KCNQ1OT1: variants seen among roughly 807,000 people sequenced by gnomAD.
KCNQ1OT1 encodes the protein KCNQ1 antisense RNA 2 (non-protein coding).
exon 1 of KCNQ1OT1, chr11:2,625,634 G>T: frequency 2.5e-6 from 1 of 396,250 alleles, no homozygotes; most frequent in South Asian, 1.3e-4. Flanking sequence ...TGAGTGCAGT[G>T]GTGCCATCTC....
exon 1 of KCNQ1OT1, chr11:2,699,964 G>C (rs1297149523): frequency 2.5e-6 from 1 of 398,248 alleles, no homozygotes; most frequent in Non-Finnish European, 4.4e-6. Context: ...CTCCCTGGAG[G>C]TCCGTGCTGA....
rs1850356342 is a variant in KCNQ1OT1 at position 2,679,718 on chromosome 11, C to G, written n.20277G>C. The G allele has an allele frequency of 2.5e-6, 1 of 398,426 alleles. No individual in the cohort carries two copies. The highest frequency in any genetic ancestry group is 2.1e-5 in the African/African-American group (1 of 48,602). The allele number at this position is 398,426 out of a possible 1,614,324, so 24.7% of individuals were successfully genotyped here. On this transcript the variant is annotated non_coding_transcript_exon_variant, in exon 1 of 1. Coordinates refer to ENST00000597346, the Ensembl canonical transcript of KCNQ1OT1. The surrounding 1 kb of genome is among the most constrained non-coding windows in gnomAD (Gnocchi z 4.8). ...TTTTAAATCAGCCGTTCTCTGTATT[C>G]TTGTCCAGATGCTGTGGACAGTGAT...
exon 1 of KCNQ1OT1, chr11:2,649,784 G>T (rs1199843847): frequency 2.5e-6 from 1 of 398,376 alleles, no homozygotes; most frequent in Non-Finnish European, 4.4e-6. Context: ...GCCCTTTTAG[G>T]GTTGAATCTA....
In KCNQ1OT1 at chr11:2,665,480, A is replaced by G. The variant is rs143416443; in HGVS notation, n.34515T>C. 743 of 395,932 alleles carry G rather than the reference A, an allele frequency of 1.9e-3. 11 individuals carry two copies. The highest frequency in any genetic ancestry group is 0.014 in the African/African-American group (678 of 47,560). The allele number at this position is 395,932 out of a possible 1,614,324, so 24.5% of individuals were successfully genotyped here. A position where few individuals can be genotyped will look rare whatever the true frequency, so the allele number is the denominator to read the frequency against. On this transcript the variant is annotated non_coding_transcript_exon_variant, in exon 1 of 1. Coordinates refer to ENST00000597346, the Ensembl canonical transcript of KCNQ1OT1. ...CACGACAGTGGGTGGGGACGGTGCC[A>G]TGCCTGTGTGCATCCCTGTGCCTTG... is the stretch of plus-strand genomic sequence containing the variant.
chr11:2,662,825 C>G (rs1004191128), exon 1 of KCNQ1OT1: 2 of 398,758 alleles, frequency 5.0e-6, no homozygotes, highest in Non-Finnish European at 8.8e-6. Context: ...CGCGGCCCTT[C>G]TGAGGGTCAC....
At position 2,691,440 on chromosome 11, in the gene KCNQ1OT1, C is replaced by G. The variant is rs904014661; in HGVS notation, n.8555G>C. The G allele has an allele frequency of 4.3e-5, 17 of 398,510 alleles. No homozygotes were observed. Among genetic ancestry groups the G allele is most frequent in the Admixed American group, 8.8e-5 (2 of 22,714 alleles). 24.7% of individuals were successfully genotyped at this position (398,510 alleles called of 1,614,324 possible). A position where few individuals can be genotyped will look rare whatever the true frequency, so the allele number is the denominator to read the frequency against. On this transcript the variant is annotated non_coding_transcript_exon_variant, in exon 1 of 1. Coordinates refer to ENST00000597346, the Ensembl canonical transcript of KCNQ1OT1. The surrounding 1 kb of genome is among the most constrained non-coding windows in gnomAD (Gnocchi z 6.4). ...GGGAGTCCACTGAAGCTCCCTGCCC[C>G]CACTGAGTCTCTGATGTTGACAGCC...
At position 2,647,056 on chromosome 11, in the gene KCNQ1OT1, C is replaced by G. The variant is rs1316244529; in HGVS notation, n.52939G>C. On this transcript the variant is annotated non_coding_transcript_exon_variant, in exon 1 of 1. Transcript: ENST00000597346. This position sits in a 1 kb window ranked among gnomAD's most constrained non-coding sequence, Gnocchi z 4.0. ...GAATAGTGAAAGTGGGCATCCTTGT[C>G]TTGTTCTAGTTCTAAGAGAGAAGGT... 2.5e-6 allele frequency: 1 copy of G among 398,412 alleles called. No homozygotes were observed. The highest frequency in any genetic ancestry group is 2.1e-5 in the African/African-American group (1 of 48,590). 24.7% of individuals were successfully genotyped at this position (398,412 alleles called of 1,614,324 possible).
In KCNQ1OT1 at chr11:2,654,413, G is replaced by A. The variant is rs1410277176; in HGVS notation, n.45582C>T. 1 of 398,556 alleles carries A rather than the reference G, an allele frequency of 2.5e-6. No homozygotes were observed. Among genetic ancestry groups the A allele is most frequent in the Non-Finnish European group, 4.4e-6 (1 of 226,146 alleles). 24.7% of individuals were successfully genotyped at this position (398,556 alleles called of 1,614,324 possible). A position where few individuals can be genotyped will look rare whatever the true frequency, so the allele number is the denominator to read the frequency against. ...GGAACTCGCCTGTGCCAAACCCTGG[G>A]GAGACATGGGTGAGGCAGAAGGCAA... On this transcript the variant is annotated non_coding_transcript_exon_variant, in exon 1 of 1. Coordinates refer to ENST00000597346, the Ensembl canonical transcript of KCNQ1OT1. This position sits in a 1 kb window ranked among gnomAD's most constrained non-coding sequence, Gnocchi z 6.4.
In KCNQ1OT1 at chr11:2,608,671, G is replaced by A. The variant is rs936583367; in HGVS notation, n.91324C>T. ...TAGAGATAGGGTCTTGCTTTGTTGT[G>A]CATGCTATTCTTGAACTCCTGGCCA... On this transcript the variant is annotated non_coding_transcript_exon_variant, in exon 1 of 1. Transcript: ENST00000597346. The surrounding 1 kb of genome is among the most constrained non-coding windows in gnomAD (Gnocchi z 4.6). 13 of 398,346 alleles carry A rather than the reference G, an allele frequency of 3.3e-5. No homozygotes were observed. Among genetic ancestry groups the A allele is most frequent in the Non-Finnish European group, 5.7e-5 (13 of 226,090 alleles). The allele number at this position is 398,346 out of a possible 1,614,324, so 24.7% of individuals were successfully genotyped here.
Position 2,612,665 on chromosome 11 carries a change from T to C in KCNQ1OT1, n.87330A>G. The C allele has an allele frequency of 2.5e-6, 1 of 398,584 alleles. No homozygotes were observed. The highest frequency in any genetic ancestry group is 4.4e-5 in the Admixed American group (1 of 22,734). The allele number at this position is 398,584 out of a possible 1,614,324, so 24.7% of individuals were successfully genotyped here. A position where few individuals can be genotyped will look rare whatever the true frequency, so the allele number is the denominator to read the frequency against. ...ATCACACTTGCATTCTTTAATGTGGTTTCTTTTGGTTCTTTGAACATAGTT... is the reference window on the plus strand; with the variant it reads ...ATCACACTTGCATTCTTTAATGTGGCTTCTTTTGGTTCTTTGAACATAGTT... On this transcript the variant is annotated non_coding_transcript_exon_variant, in exon 1 of 1. Transcript: ENST00000597346. This position sits in a 1 kb window ranked among gnomAD's most constrained non-coding sequence, Gnocchi z 5.5.
chr11:2,622,680 C>T (rs184738543), exon 1 of KCNQ1OT1: 6 of 398,376 alleles, frequency 1.5e-5, no homozygotes, highest in African/African-American at 1.2e-4. Flanking sequence ...TTATGATTCT[C>T]TATTCGATTG....
rs895691956 is a variant in KCNQ1OT1, at chr11:2,661,611, T to C, written n.38384A>G. On this transcript the variant is annotated non_coding_transcript_exon_variant, in exon 1 of 1. Transcript: ENST00000597346. The surrounding 1 kb of genome is among the most constrained non-coding windows in gnomAD (Gnocchi z 5.9). ...TTGTCCCTTACCAGGCCTGTGCCTG[T>C]CACCTCTGTTTTATTCTTGACCCAA... 2 of 581,558 alleles carry C rather than the reference T, an allele frequency of 3.4e-6. No homozygotes were observed. The highest frequency in any genetic ancestry group is 6.1e-6 in the Non-Finnish European group (2 of 326,696). The allele number at this position is 581,558 out of a possible 1,614,324, so 36.0% of individuals were successfully genotyped here.
chr11:2,631,151 A>T, exon 1 of KCNQ1OT1: 1 of 398,564 alleles, frequency 2.5e-6, no homozygotes, highest in Non-Finnish European at 4.4e-6. Flanking sequence ...GGAAGTTTTC[A>T]GCCATTATTT....
exon 1 of KCNQ1OT1, chr11:2,633,383 C>T (rs1849396373): frequency 2.5e-6 from 1 of 398,126 alleles, no homozygotes; most frequent in Admixed American, 4.4e-5. Context: ...TGATACAGTC[C>T]CATTTGTCTA....
chr11:2,691,877 C>A lies in KCNQ1OT1; in HGVS notation n.8118G>T. The A allele has an allele frequency of 2.5e-6, 1 of 398,808 alleles. No individual in the cohort carries two copies. The highest frequency in any genetic ancestry group is 1.3e-4 in the South Asian group (1 of 7,864). 24.7% of individuals were successfully genotyped at this position (398,808 alleles called of 1,614,324 possible). On this transcript the variant is annotated non_coding_transcript_exon_variant, in exon 1 of 1. Coordinates refer to ENST00000597346, the Ensembl canonical transcript of KCNQ1OT1. The surrounding 1 kb of genome is among the most constrained non-coding windows in gnomAD (Gnocchi z 6.4). The stretch of plus-strand genomic sequence containing the variant: ...CCTCTTTTCCATCCCTCCAGTTCTC[C>A]TGGCTTTCTTGCCATCTTTCTGGCT...
chr11:2,667,159 A>G (rs1850090207), exon 1 of KCNQ1OT1: 1 of 398,554 alleles, frequency 2.5e-6, no homozygotes, highest in Non-Finnish European at 4.4e-6. Flanking sequence ...GATGCCCTCA[A>G]TCTGGCTTCC....
Position 2,657,580 on chromosome 11 carries a change from C to A in KCNQ1OT1, n.42415G>T. ...CCCTAATGTTAGCATCTTATATAAC[C>A]ATGGTACATTGACCAAAACTAAAAA... On this transcript the variant is annotated non_coding_transcript_exon_variant, in exon 1 of 1. Transcript: ENST00000597346. This position sits in a 1 kb window ranked among gnomAD's most constrained non-coding sequence, Gnocchi z 4.8. The A allele has an allele frequency of 2.5e-6, 1 of 398,576 alleles. No individual in the cohort carries two copies. Among genetic ancestry groups the A allele is most frequent in the East Asian group, 3.6e-5 (1 of 28,060 alleles). The allele number at this position is 398,576 out of a possible 1,614,324, so 24.7% of individuals were successfully genotyped here. A position where few individuals can be genotyped will look rare whatever the true frequency, so the allele number is the denominator to read the frequency against.
In KCNQ1OT1 at chr11:2,691,136, A is replaced by G; in HGVS notation, n.8859T>C. On this transcript the variant is annotated non_coding_transcript_exon_variant, in exon 1 of 1. Coordinates refer to ENST00000597346, the Ensembl canonical transcript of KCNQ1OT1. This position sits in a 1 kb window ranked among gnomAD's most constrained non-coding sequence, Gnocchi z 6.4. ...TGGAGGCTGTGCAGACCTGGTGCAG[A>G]GTCTGTGCTGGCCTCTGGCCTCTCA... The G allele has an allele frequency of 2.5e-6, 1 of 398,634 alleles. No individual in the cohort carries two copies. Among genetic ancestry groups the G allele is most frequent in the Non-Finnish European group, 4.4e-6 (1 of 226,102 alleles). 24.7% of individuals were successfully genotyped at this position (398,634 alleles called of 1,614,324 possible). A position where few individuals can be genotyped will look rare whatever the true frequency, so the allele number is the denominator to read the frequency against.
exon 1 of KCNQ1OT1, chr11:2,665,228 TG>T: frequency 2.5e-6 from 1 of 398,584 alleles, no homozygotes; most frequent in Non-Finnish European, 4.4e-6. Context: ...CTAGGTTGAA[TG>T]GGGCACAAGA....
Sources: gnomAD v4.1 joint callset for allele counts on GRCh38, gnomAD v4.1.1 for gene constraint, Gnocchi (gnomAD v3.1) non-coding constraint, MANE v1.5 for transcripts, NCBI Gene and HGNC (gene_info 2026-07-23, HGNC 2026-07-21) for gene names.